Variants in TAFA1 observed in about 807,000 individuals in gnomAD.
TAFA1 encodes chemokine-like protein TAFA-1.
TAFA1 carries 4 observed loss-of-function variants against 18.5 expected under a neutral mutation model. The observed-to-expected ratio is 0.22, with a 90% CI of 0.11 to 0.49. The LOEUF is 0.49. Among genes scored for constraint, TAFA1 ranks in the 20% least tolerant of loss-of-function variants. The pLI is 0.98. For missense variants in TAFA1, 147 were observed against 169.0 expected, an observed-to-expected ratio of 0.87 and a Z score of 0.72; for synonymous variants, 56 against 55.2, an observed-to-expected ratio of 1.01 and a Z score of -0.06.
At chr3:68,127,899 G>A (rs1307003701) in intron 2 of TAFA1, among the ~76,000 whole-genome samples, 1 of 150,268 alleles carries the variant, frequency 6.7e-6, no homozygotes, top group African/African-American at 2.5e-5. Context: ...TGATGGCAGT[G>A]GTGGTGGTGG....
chr3:68,032,037 CT>C (rs1704945640), intron 2 of TAFA1, among the ~76,000 whole-genome samples: 1 of 152,056 alleles, frequency 6.6e-6, no homozygotes, highest in Non-Finnish European at 1.5e-5. Context: ...TTTTTATATT[CT>C]CTGAGATTTC....
intron 2 of TAFA1, among the ~76,000 whole-genome samples, chr3:68,085,753 G>C (rs988901740): frequency 1.3e-5 from 2 of 152,194 alleles, no homozygotes; most frequent in African/African-American, 4.8e-5. Context: ...GCCACTCAGA[G>C]AGTAGGGAAA....
intron 3 of TAFA1, among the ~76,000 whole-genome samples, chr3:68,511,420 T>C (rs945934197): frequency 2.1e-4 from 32 of 152,138 alleles, no homozygotes; most frequent in Non-Finnish European, 3.2e-4. Flanking sequence ...AAATAAATTA[T>C]TTCCTCTAGA....
intron 3 of TAFA1, among the ~76,000 whole-genome samples, chr3:68,512,889 T>C (rs142589927): frequency 3.3e-5 from 5 of 152,264 alleles, no homozygotes; most frequent in Admixed American, 2.6e-4. Flanking sequence ...AATTCACCTT[T>C]GGAGAACTTT....
chr3:68,115,124 G>A (rs1344721117), intron 2 of TAFA1, among the ~76,000 whole-genome samples: 1 of 152,138 alleles, frequency 6.6e-6, no homozygotes, highest in Non-Finnish European at 1.5e-5. Flanking sequence ...TAATTGGGAA[G>A]GGACAGCCAG....
At chr3:68,484,527 T>TTC (rs755310966) in intron 3 of TAFA1, among the ~76,000 whole-genome samples, 2 of 152,106 alleles carry the variant, frequency 1.3e-5, no homozygotes, top group African/African-American at 2.4e-5. Flanking sequence ...TTTCTGGAGG[T>TTC]TGGCATGAGC....
At chr3:68,531,687 A>G (rs962868674) in intron 3 of TAFA1, among the ~76,000 whole-genome samples, 14 of 152,142 alleles carry the variant, frequency 9.2e-5, no homozygotes, top group Admixed American at 4.6e-4. Context: ...GAAGCTGCTG[A>G]TCACCAGCTT....
At chr3:68,002,565 T>G (rs895205185), upstream of TAFA1, among the ~76,000 whole-genome samples, 3 of 152,252 alleles carry the variant, frequency 2.0e-5, no homozygotes, top group African/African-American at 4.8e-5. Flanking sequence ...TCTTGTATAC[T>G]TCTATATTTC....
At position 68,116,977 on chromosome 3, in the gene TAFA1, A is replaced by G. The variant is rs182649934; in HGVS notation, c.118+110233A>G. Among the ~76,000 whole-genome samples the G allele has an allele frequency of 3.2e-3, 492 of 152,336 alleles. 3 individuals are homozygous for G. The highest frequency in any genetic ancestry group is 0.011 in the African/African-American group (468 of 41,574). On this transcript the variant is annotated intron_variant, in intron 2 of 4. Transcript: ENST00000478136. ...AAGTATTTACTGTCTGCCCCTTTAC[A>G]GAAACCACGTGCTGATCTCTGATTT...
chr3:68,529,522 A>C (rs2073158780), intron 3 of TAFA1, among the ~76,000 whole-genome samples: 1 of 147,986 alleles, frequency 6.8e-6, no homozygotes, highest in Non-Finnish European at 1.5e-5. Context: ...CCTTTGTCTT[A>C]GTCTGCTTGT....
chr3:68,034,584 T>A (rs1705006344), intron 2 of TAFA1, among the ~76,000 whole-genome samples: 3 of 152,222 alleles, frequency 2.0e-5, no homozygotes, highest in Admixed American at 1.3e-4. Flanking sequence ...CATAAACCAG[T>A]GTCTTTACAA....
chr3:68,379,653 A>C (rs2069891851), intron 2 of TAFA1, among the ~76,000 whole-genome samples: 1 of 150,740 alleles, frequency 6.6e-6, no homozygotes, highest in South Asian at 2.1e-4. Context: ...TTTAATTTTA[A>C]ATGTAGGTTG....
At chr3:68,116,256 AAAACAAACAAAC>A (rs138208356) in intron 2 of TAFA1, among the ~76,000 whole-genome samples, 73,927 of 151,094 alleles carry the variant, frequency 0.49, 18,830 homozygotes, top group South Asian at 0.63. Context: ...TGCCGTCGCA[AAAACAAACAAAC>A]AAACAAACAA....
At chr3:68,091,397 T>A (rs1575611699) in intron 2 of TAFA1, among the ~76,000 whole-genome samples, 1 of 152,164 alleles carries the variant, frequency 6.6e-6, no homozygotes, top group South Asian at 2.1e-4. Flanking sequence ...TGACTTTCTA[T>A]CCATTCTCAC....
chr3:68,298,760 C>A (rs907553386), intron 2 of TAFA1, among the ~76,000 whole-genome samples: 7 of 152,216 alleles, frequency 4.6e-5, no homozygotes, highest in Non-Finnish European at 1.0e-4. Context: ...TTGCCTTCCA[C>A]CATGATTGTA....
chr3:68,083,432 G>A (rs1683175950), intron 2 of TAFA1, among the ~76,000 whole-genome samples: 1 of 152,248 alleles, frequency 6.6e-6, no homozygotes, highest in South Asian at 2.1e-4. Context: ...ACTCCACAAA[G>A]TGATCATTAT....
intron 2 of TAFA1, among the ~76,000 whole-genome samples, chr3:68,302,017 C>G (rs1491764): frequency 0.026 from 4,009 of 152,128 alleles, 89 homozygotes; most frequent in East Asian, 0.095. Context: ...GTATTAATTA[C>G]TCATTTTTAT....
rs2065463916 is a variant in TAFA1, at chr3:68,126,253, G to A, written c.118+119509G>A. 2.0e-5 allele frequency among the ~76,000 whole-genome samples: 3 copies of A among 152,232 alleles called. No homozygotes were observed. The South Asian group carries it at 6.2e-4, about 32-fold the overall frequency. On this transcript the variant is annotated intron_variant, in intron 2 of 4. Transcript: ENST00000478136. Reference sequence around the variant, plus strand: ...TCCCCAGTGCCTACCACAGCATCTGGCCACCCGTAAGCATTGGCAAATGCT... The same window carrying A: ...TCCCCAGTGCCTACCACAGCATCTGACCACCCGTAAGCATTGGCAAATGCT...
intron 2 of TAFA1, among the ~76,000 whole-genome samples, chr3:68,315,565 A>C (rs529878704): frequency 6.6e-6 from 1 of 152,198 alleles, no homozygotes; most frequent in African/African-American, 2.4e-5. Context: ...AAATGTCACT[A>C]AAGTTCCTTA....
Sources: allele counts gnomAD v4.1 joint callset (sites outside exome capture counted in the v4.1 genomes callset), GRCh38; gene constraint gnomAD v4.1.1; transcripts MANE v1.5; gene names NCBI Gene and HGNC (gene_info 2026-07-23, HGNC 2026-07-21).